CADM2: variants seen among roughly 807,000 people sequenced by gnomAD.
The protein encoded by CADM2 is cell adhesion molecule 2.
Under a neutral mutation model 49.8 loss-of-function variants are expected in CADM2, and 12 were observed. The observed-to-expected ratio is 0.24, with a 90% CI of 0.15 to 0.39. The LOEUF is 0.39. CADM2 is among the 10% of genes least tolerant of loss of function. The pLI is 1.00. For synonymous variants in CADM2, 214 were observed against 175.4 expected, an observed-to-expected ratio of 1.22 and a Z score of -1.74; for missense variants, 378 against 492.3, an observed-to-expected ratio of 0.77 and a Z score of 2.20.
intron 1 of CADM2, among the ~76,000 whole-genome samples, chr3:85,441,496 C>A (rs902514928): frequency 7.9e-5 from 12 of 151,974 alleles, no homozygotes; most frequent in Non-Finnish European, 1.8e-4. Context: ...GAAATATAAT[C>A]TACCATATTT....
chr3:85,926,018 T>G (rs1197674904), intron 6 of CADM2, among the ~76,000 whole-genome samples: 1 of 151,768 alleles, frequency 6.6e-6, no homozygotes, highest in African/African-American at 2.4e-5. Flanking sequence ...ACGCCTGTAG[T>G]CCCAGCTACT....
intron 7 of CADM2, among the ~76,000 whole-genome samples, chr3:85,941,303 C>G (rs1721871839): frequency 6.6e-6 from 1 of 152,016 alleles, no homozygotes; most frequent in Admixed American, 6.6e-5. Context: ...TATGGCAACT[C>G]TGACAACTGA....
At chr3:85,810,532 GTTTTTTTTT>G (rs71112120) in intron 3 of CADM2, among the ~76,000 whole-genome samples, 1 of 87,176 alleles carries the variant, frequency 1.1e-5, no homozygotes, top group Non-Finnish European at 2.1e-5. Context: ...ATAGAATTCT[GTTTTTTTTT>G]TTTTTTTTTT....
chr3:85,378,989 G>A (rs1158921955), intron 1 of CADM2, among the ~76,000 whole-genome samples: 1 of 151,938 alleles, frequency 6.6e-6, no homozygotes, highest in Non-Finnish European at 1.5e-5. Flanking sequence ...AACCATCAAT[G>A]TAGTATATGT....
At chr3:85,484,536 A>G (rs762506125) in intron 1 of CADM2, among the ~76,000 whole-genome samples, 11 of 151,910 alleles carry the variant, frequency 7.2e-5, no homozygotes, top group Admixed American at 2.0e-4. Flanking sequence ...CTACATCCAT[A>G]CTAACAAAGT....
At chr3:85,437,344 T>G (rs952453966) in intron 1 of CADM2, among the ~76,000 whole-genome samples, 22 of 152,150 alleles carry the variant, frequency 1.4e-4, no homozygotes, top group African/African-American at 5.3e-4. Flanking sequence ...TGGATACAGC[T>G]TTTAACTCCT....
At chr3:86,049,047 T>A (rs996792661) in intron 8 of CADM2, among the ~76,000 whole-genome samples, 1 of 152,134 alleles carries the variant, frequency 6.6e-6, no homozygotes, top group African/African-American at 2.4e-5. Context: ...TTTCCTGTTT[T>A]GTATTTATAA....
intron 1 of CADM2, among the ~76,000 whole-genome samples, chr3:85,212,871 T>TC (rs2041825598): frequency 6.1e-5 from 8 of 132,178 alleles, no homozygotes; most frequent in Non-Finnish European, 9.2e-5. Flanking sequence ...TCTTTCTTTC[T>TC]TTCTTTCTTT....
At chr3:84,996,904 A>G (rs954085217) in intron 1 of CADM2, among the ~76,000 whole-genome samples, 1 of 152,146 alleles carries the variant, frequency 6.6e-6, no homozygotes, top group Non-Finnish European at 1.5e-5. Context: ...GAGGGGAACA[A>G]TTAATTTCAA....
At chr3:85,661,854 AT>A (rs1340121446) in intron 1 of CADM2, among the ~76,000 whole-genome samples, 1 of 152,024 alleles carries the variant, frequency 6.6e-6, no homozygotes, top group East Asian at 1.9e-4. Context: ...GTCAATAACA[AT>A]TTTAAGTTTT....
chr3:85,684,050 G>A (rs1021069937), intron 1 of CADM2, among the ~76,000 whole-genome samples: 4 of 152,150 alleles, frequency 2.6e-5, no homozygotes, highest in Admixed American at 1.3e-4. Flanking sequence ...TGTTCCCACC[G>A]ATTGGTGGAT....
At chr3:85,383,757 AT>A in intron 1 of CADM2, among the ~76,000 whole-genome samples, 1 of 151,558 alleles carries the variant, frequency 6.6e-6, no homozygotes, top group South Asian at 2.1e-4. Flanking sequence ...ATGATTTCAT[AT>A]TGTATACATT....
chr3:85,756,412 T>C (rs936765826), intron 2 of CADM2, among the ~76,000 whole-genome samples: 6 of 152,206 alleles, frequency 3.9e-5, no homozygotes, highest in Admixed American at 6.5e-5. Context: ...TATCTACATA[T>C]ATACATGATC....
At chr3:85,463,055 A>C (rs1352284565) in intron 1 of CADM2, among the ~76,000 whole-genome samples, 2 of 152,136 alleles carry the variant, frequency 1.3e-5, no homozygotes, top group Non-Finnish European at 2.9e-5. Context: ...TGGAGCATTA[A>C]ATTATTTAAG....
At chr3:86,032,601 T>G (rs1194305761) in intron 8 of CADM2, among the ~76,000 whole-genome samples, 1 of 151,916 alleles carries the variant, frequency 6.6e-6, no homozygotes, top group African/African-American at 2.4e-5. Context: ...TTGACTTAAC[T>G]CTATACTTGT....
intron 1 of CADM2, among the ~76,000 whole-genome samples, chr3:84,997,804 C>A (rs1231171678): frequency 6.6e-6 from 1 of 151,978 alleles, no homozygotes; most frequent in African/African-American, 2.4e-5. Context: ...GATTATGGTT[C>A]ATTTTTATTT....
chr3:85,749,239 T>C (rs1290948094), intron 2 of CADM2, among the ~76,000 whole-genome samples: 1 of 151,688 alleles, frequency 6.6e-6, no homozygotes, highest in African/African-American at 2.4e-5. Context: ...TATCCCCAAT[T>C]TGTTACTAAT....
chr3:84,964,620 A>G (rs1232949550), intron 1 of CADM2, among the ~76,000 whole-genome samples: 1 of 152,168 alleles, frequency 6.6e-6, no homozygotes, highest in Non-Finnish European at 1.5e-5. Flanking sequence ...GGCCGACTCA[A>G]AACTGAAGTC....
intron 3 of CADM2, among the ~76,000 whole-genome samples, chr3:85,811,271 G>A (rs904501267): frequency 6.6e-6 from 1 of 152,128 alleles, no homozygotes; most frequent in Non-Finnish European, 1.5e-5. Flanking sequence ...AGGTAAAAAT[G>A]ACCAAATTCT....
Sources: allele counts gnomAD v4.1 joint callset (sites outside exome capture counted in the v4.1 genomes callset), GRCh38; gene constraint gnomAD v4.1.1; transcripts MANE v1.5; gene names NCBI Gene and HGNC (gene_info 2026-07-23, HGNC 2026-07-21).